Variants in WWP2 observed in about 807,000 individuals in gnomAD.
WWP2 encodes WW domain containing E3 ubiquitin protein ligase 2.
In WWP2, 57 loss-of-function variants were observed where a neutral mutation model predicts 121.0. That is an observed-to-expected ratio of 0.47 (90% CI 0.38 to 0.59). The LOEUF is 0.59. WWP2 is among the 20% of genes least tolerant of loss of function. The pLI is 0.00. For missense variants in WWP2, 962 were observed against 1,158.9 expected (o/e 0.83, Z 2.47); for synonymous variants, 449 against 441.3 (o/e 1.02, Z -0.22).
At chr16:69,816,852 A>G (rs1407324000) in intron 4 of WWP2, among the ~76,000 whole-genome samples, 3 of 152,216 alleles carry the variant, frequency 2.0e-5, no homozygotes, top group Non-Finnish European at 2.9e-5. Context: ...TCCTCCGTAC[A>G]TTCAAGGTAG....
chr16:69,855,541 C>T (rs145027707), intron 6 of WWP2, among the ~76,000 whole-genome samples: 9 of 152,002 alleles, frequency 5.9e-5, no homozygotes, highest in South Asian at 2.1e-4. Flanking sequence ...TTGATTCATG[C>T]GAAAAATATG....
chr16:69,857,627 G>A (rs1315528364), intron 6 of WWP2, among the ~76,000 whole-genome samples: 3 of 116,644 alleles, frequency 2.6e-5, no homozygotes, highest in Non-Finnish European at 3.8e-5. Flanking sequence ...TGTGTTTTGT[G>A]TTTTCAAATG....
chr16:69,812,161 CTTTTTTTTTTT>C (rs1021541952), intron 4 of WWP2, among the ~76,000 whole-genome samples: 2 of 108,470 alleles, frequency 1.8e-5, no homozygotes, highest in African/African-American at 3.7e-5. Flanking sequence ...GAGTACAGAC[CTTTTTTTTTTT>C]TTTTTTTTTT....
At chr16:69,797,175 G>A (rs1411909406) in intron 2 of WWP2, among the ~76,000 whole-genome samples, 2 of 152,166 alleles carry the variant, frequency 1.3e-5, no homozygotes, top group Non-Finnish European at 2.9e-5. Flanking sequence ...GTGTAGCTTT[G>A]TACTCCATGA....
intron 2 of WWP2, among the ~76,000 whole-genome samples, chr16:69,796,724 C>T (rs2056055244): frequency 6.6e-6 from 1 of 152,176 alleles, no homozygotes; most frequent in African/African-American, 2.4e-5. Context: ...GTGTGTAAAT[C>T]ACTGCACCTC....
At chr16:69,919,112 G>T (rs1324480220) in intron 10 of WWP2, among the ~76,000 whole-genome samples, 1 of 152,088 alleles carries the variant, frequency 6.6e-6, no homozygotes, top group Non-Finnish European at 1.5e-5. Flanking sequence ...CCAAAGTGCT[G>T]GGATTACAAG....
chr16:69,917,897 CG>C lies in WWP2; in HGVS notation c.1179+15del. On this transcript the variant is annotated intron_variant, in intron 10 of 23. Transcript: ENST00000359154. Reference sequence around the variant, plus strand: ...TTCCTCTACCAGGTGAGAGGGCAGGCGCTTGGCCCGAGGTGGGGCCGCCTCC... The same window carrying C: ...TTCCTCTACCAGGTGAGAGGGCAGGCCTTGGCCCGAGGTGGGGCCGCCTCC... The C allele has an allele frequency of 6.2e-7, 1 of 1,603,054 alleles. No individual in the cohort carries two copies. The highest frequency in any genetic ancestry group is 8.5e-7 in the Non-Finnish European group (1 of 1,170,938).
rs1235228945 is a variant in WWP2, at chr16:69,878,276, A to AC, written c.703+6346dup. 2.0e-5 allele frequency among the ~76,000 whole-genome samples: 3 copies of AC among 152,364 alleles called. No individual in the cohort carries two copies. The East Asian group carries it at 5.8e-4, about 29-fold the overall frequency. On this transcript the variant is annotated intron_variant, in intron 7 of 23. Coordinates refer to ENST00000359154, the MANE Select transcript of WWP2 (RefSeq NM_001270454.2). Reference sequence around the variant, plus strand: ...ATTCTGAGAATTACCAAAATGTGACACAGAGACATGAAGTGAGTTCATGCT... The same window carrying AC: ...ATTCTGAGAATTACCAAAATGTGACACCAGAGACATGAAGTGAGTTCATGCT...
chr16:69,786,935 T>C (rs2055805912), intron 1 of WWP2, 61 bp from the exon 2 acceptor site: 1 of 1,429,816 alleles, frequency 7.0e-7, no homozygotes, highest in Non-Finnish European at 9.6e-7. Context: ...TGAAATTGAG[T>C]TAAACTCCTC....
chr16:69,767,262 G>A (rs1226826448), intron 1 of WWP2, among the ~76,000 whole-genome samples: 1 of 152,118 alleles, frequency 6.6e-6, no homozygotes, highest in Non-Finnish European at 1.5e-5. Flanking sequence ...TTTCAAACAT[G>A]TATTGAATGC....
intron 11 of WWP2, among the ~76,000 whole-genome samples, chr16:69,927,779 A>G (rs560604948): frequency 6.6e-6 from 1 of 152,294 alleles, no homozygotes; most frequent in East Asian, 1.9e-4. Flanking sequence ...GCTCTGTAAC[A>G]GCTCTGGGCA....
At chr16:69,802,421 C>G (rs924924162) in intron 4 of WWP2, among the ~76,000 whole-genome samples, 1 of 152,152 alleles carries the variant, frequency 6.6e-6, no homozygotes, top group Non-Finnish European at 1.5e-5. Flanking sequence ...ATCCTCCCCT[C>G]GCACCAGCAC....
rs112757461 is a variant in WWP2 at position 69,900,608 on chromosome 16, C to T, written c.915-8153C>T. Among the ~76,000 whole-genome samples the T allele has an allele frequency of 2.0e-3, 302 of 152,126 alleles. 4 individuals are homozygous for T. Among genetic ancestry groups the T allele is most frequent in the African/African-American group, 6.8e-3 (281 of 41,520 alleles). On this transcript the variant is annotated intron_variant, in intron 8 of 23. Coordinates refer to ENST00000359154, the MANE Select transcript of WWP2 (RefSeq NM_001270454.2). Reference sequence around the variant, plus strand: ...TGCGATCTCAGATCACTGCATCCTCCGCCTCCTGGACTCAAGCGATTCTCC... The same window carrying T: ...TGCGATCTCAGATCACTGCATCCTCTGCCTCCTGGACTCAAGCGATTCTCC...
Position 69,931,211 on chromosome 16 carries a change from TC to T in WWP2, c.1507del (p.Arg503ValfsTer13). The T allele has an allele frequency of 1.2e-6, 2 of 1,614,142 alleles. No individual in the cohort carries two copies. Among genetic ancestry groups the T allele is most frequent in the Non-Finnish European group, 1.7e-6 (2 of 1,180,026 alleles). On this transcript the variant is annotated frameshift_variant, in exon 14 of 24. Transcript: ENST00000359154. LOFTEE classifies it high-confidence loss of function. ...DRSFRWKYHQ[F>X]RFLCHSNALP... is the part of the protein sequence containing the mutation. ...AGTTTTCGGTGGAAGTATCACCAGT[TC>T]CGTTTCCTCTGCCATGTGAGTTCTG... is the stretch of plus-strand genomic sequence containing the variant.
intron 8 of WWP2, among the ~76,000 whole-genome samples, chr16:69,895,988 G>C (rs1415620127): frequency 6.6e-6 from 1 of 152,092 alleles, no homozygotes; most frequent in African/African-American, 2.4e-5. Context: ...TGTGTTTCTG[G>C]CTTCCTCATC....
At chr16:69,763,614 G>C (rs764525220) in intron 1 of WWP2, among the ~76,000 whole-genome samples, 2 of 152,178 alleles carry the variant, frequency 1.3e-5, no homozygotes, top group Non-Finnish European at 2.9e-5. Context: ...GTGAGGTTGG[G>C]AAGATGTATT....
intron 4 of WWP2, among the ~76,000 whole-genome samples, chr16:69,831,929 A>G (rs1365193842): frequency 6.6e-6 from 1 of 151,324 alleles, no homozygotes; most frequent in Admixed American, 6.6e-5. Flanking sequence ...CCTGGGCACA[A>G]GCGATTATTC....
At position 69,793,665 on chromosome 16, in the gene WWP2, T is replaced by C. The variant is rs1328219724; in HGVS notation, c.71-5017T>C. On this transcript the variant is annotated intron_variant, in intron 2 of 23. Coordinates refer to ENST00000359154, the MANE Select transcript of WWP2 (RefSeq NM_001270454.2). The stretch of plus-strand genomic sequence containing the variant: ...ACGGGCCCAGGCAAAGTCAGTAGAT[T>C]GCCAGAAAGAAAAAATCTCAAAAGA... Among the ~76,000 whole-genome samples, 3 of 150,240 alleles carry C rather than the reference T, an allele frequency of 2.0e-5. No homozygotes were observed. The East Asian group carries it at 5.8e-4, about 29-fold the overall frequency.
intron 9 of WWP2, among the ~76,000 whole-genome samples, chr16:69,916,590 G>T (rs1018012322): frequency 2.0e-5 from 3 of 152,142 alleles, no homozygotes; most frequent in Non-Finnish European, 2.9e-5. Context: ...AAAGTCAGTG[G>T]CAGGGAGACT....
Sources: gnomAD v4.1 joint callset for allele counts (sites outside exome capture counted in the v4.1 genomes callset) on GRCh38, gnomAD v4.1.1 for gene constraint, MANE v1.5 for transcripts, NCBI Gene and HGNC (gene_info 2026-07-23, HGNC 2026-07-21) for gene names.